Variants in AP3B1 observed in about 807,000 individuals in gnomAD.
AP3B1 encodes the protein adaptor related protein complex 3 subunit beta 1.
A neutral mutation model predicts 132.5 loss-of-function variants in AP3B1; 61 were observed. That is an observed-to-expected ratio of 0.46 (90% CI 0.37 to 0.57). The LOEUF (loss-of-function observed/expected upper bound fraction) is 0.57. AP3B1 is among the 20% of genes least tolerant of loss of function. The pLI, the probability that AP3B1 is intolerant of heterozygous loss-of-function variation, is 0.00. For synonymous variants in AP3B1, 388 were observed against 438.3 expected (o/e 0.89, Z 1.43); for missense variants, 1,120 against 1,289.4 (o/e 0.87, Z 2.01).
chr5:78,198,924 A>T (rs1745179767), intron 7 of AP3B1, among the ~76,000 whole-genome samples: 1 of 152,232 alleles, frequency 6.6e-6, no homozygotes, highest in Non-Finnish European at 1.5e-5. Context: ...TCCTTCCCCA[A>T]AATTTGTGTC....
intron 1 of AP3B1, among the ~76,000 whole-genome samples, chr5:78,278,627 G>A (rs202196757): frequency 0.19 from 5,884 of 30,222 alleles, 670 homozygotes; most frequent in African/African-American, 0.23. Flanking sequence ...AAAAAAAAAG[G>A]GGGGGGGGGA....
chr5:78,097,160 C>T (rs1290924110), intron 21 of AP3B1, among the ~76,000 whole-genome samples: 13 of 117,752 alleles, frequency 1.1e-4, no homozygotes, highest in Middle Eastern at 0.01. Context: ...AGGTGAGGGG[C>T]GCCTCTGCCC....
At chr5:78,083,289 A>C (rs889852556) in intron 22 of AP3B1, among the ~76,000 whole-genome samples, 9 of 152,248 alleles carry the variant, frequency 5.9e-5, no homozygotes, top group African/African-American at 2.2e-4. Context: ...AAAGCAGAAC[A>C]TACACTAAAA....
intron 6 of AP3B1, among the ~76,000 whole-genome samples, chr5:78,224,737 CA>C (rs1280510903): frequency 6.6e-6 from 1 of 151,428 alleles, no homozygotes; most frequent in African/African-American, 2.4e-5. Flanking sequence ...GACATTAAAA[CA>C]AAAAAATGTT....
chr5:78,108,457 A>G (rs183615343), intron 20 of AP3B1, among the ~76,000 whole-genome samples: 1 of 152,330 alleles, frequency 6.6e-6, no homozygotes, highest in East Asian at 1.9e-4. Flanking sequence ...TACTTATTCC[A>G]GTTGCTAAAC....
intron 22 of AP3B1, among the ~76,000 whole-genome samples, chr5:78,050,742 GAC>G (rs1748546351): frequency 6.6e-6 from 1 of 152,062 alleles, no homozygotes; most frequent in African/African-American, 2.4e-5. Flanking sequence ...GAGTATGAAA[GAC>G]AAAGTTTGAA....
chr5:78,029,767 G>A (rs542134582), intron 24 of AP3B1, among the ~76,000 whole-genome samples: 244 of 152,298 alleles, frequency 1.6e-3, no homozygotes, highest in African/African-American at 5.8e-3. Flanking sequence ...CTTCCAAAGA[G>A]CTGGGATAAC....
At chr5:78,097,197 C>G (rs1428575815) in intron 21 of AP3B1, among the ~76,000 whole-genome samples, 6 of 117,940 alleles carry the variant, frequency 5.1e-5, no homozygotes, top group African/African-American at 1.1e-4. Flanking sequence ...AAGTGAGGAG[C>G]CCCTCTGCCC....
At chr5:78,174,984 G>A (rs1434249537) in intron 11 of AP3B1, among the ~76,000 whole-genome samples, 3 of 152,356 alleles carry the variant, frequency 2.0e-5, no homozygotes, top group East Asian at 1.9e-4. Context: ...AGGCTGCTGC[G>A]CTAGCAGTGA....
At chr5:78,106,850 G>A (rs1306715465) in intron 20 of AP3B1, among the ~76,000 whole-genome samples, 1 of 152,166 alleles carries the variant, frequency 6.6e-6, no homozygotes, top group African/African-American at 2.4e-5. Flanking sequence ...AAATGGTAGA[G>A]CATGTCTTTT....
At chr5:78,047,274 C>T (rs1003362148) in intron 22 of AP3B1, among the ~76,000 whole-genome samples, 2 of 152,140 alleles carry the variant, frequency 1.3e-5, no homozygotes, top group African/African-American at 2.4e-5. Context: ...GAGGAATTGC[C>T]GCACTGTCTT....
chr5:78,243,122 CTTTT>C (rs368726723), intron 2 of AP3B1, among the ~76,000 whole-genome samples: 60 of 152,252 alleles, frequency 3.9e-4, no homozygotes, highest in Middle Eastern at 3.4e-3. Context: ...CTGTGACATT[CTTTT>C]GAGTATTTTG....
intron 1 of AP3B1, among the ~76,000 whole-genome samples, chr5:78,285,105 T>C (rs982681111): frequency 1.3e-5 from 2 of 151,324 alleles, no homozygotes; most frequent in African/African-American, 2.4e-5. Context: ...AAAAATTAGC[T>C]GGGCGTGGTG....
At chr5:78,019,963 C>T (rs1305629187) in intron 25 of AP3B1, among the ~76,000 whole-genome samples, 5 of 151,944 alleles carry the variant, frequency 3.3e-5, no homozygotes, top group Non-Finnish European at 7.4e-5. Context: ...TTTAAATATG[C>T]CTTAATTTTA....
chr5:78,174,482 C>T lies in AP3B1; in HGVS notation c.1167+1144G>A, dbSNP rs569188516. On this transcript the variant is annotated intron_variant, in intron 11 of 26. Coordinates refer to ENST00000255194, the MANE Select transcript of AP3B1 (RefSeq NM_003664.5). ...TCTGTTGGAGTTTGCTGGAGGTCCACTCCAGACCCTGTTTGCCTGGTTATC... is the reference window on the plus strand; with the variant it reads ...TCTGTTGGAGTTTGCTGGAGGTCCATTCCAGACCCTGTTTGCCTGGTTATC... Among the ~76,000 whole-genome samples the T allele has an allele frequency of 3.9e-5, 6 of 152,340 alleles. No homozygotes were observed. In the South Asian group the frequency reaches 1.2e-3, roughly 32 times the overall value.
intron 21 of AP3B1, among the ~76,000 whole-genome samples, chr5:78,097,126 A>G (rs1264294490): frequency 0.019 from 763 of 41,174 alleles, no homozygotes; most frequent in Middle Eastern, 0.022. Context: ...TCAGCCCCCC[A>G]CCCGGCCAGC....
At chr5:78,256,731 C>A (rs1356848909) in intron 2 of AP3B1, among the ~76,000 whole-genome samples, 1 of 151,888 alleles carries the variant, frequency 6.6e-6, no homozygotes, top group African/African-American at 2.4e-5. Flanking sequence ...GAAAATGACA[C>A]CCCAATATCT....
At chr5:78,170,867 T>C (rs1743881676) in intron 11 of AP3B1, among the ~76,000 whole-genome samples, 1 of 152,262 alleles carries the variant, frequency 6.6e-6, no homozygotes, top group Admixed American at 6.5e-5. Context: ...TGGTTTTAGC[T>C]CTAACATTTA....
intron 17 of AP3B1, among the ~76,000 whole-genome samples, chr5:78,122,992 A>G (rs1210437556): frequency 6.6e-6 from 1 of 152,254 alleles, no homozygotes; most frequent in Non-Finnish European, 1.5e-5. Flanking sequence ...CTGGTACCAA[A>G]ACAGAGATAT....
Sources: gnomAD v4.1 joint callset for allele counts (sites outside exome capture counted in the v4.1 genomes callset) on GRCh38, gnomAD v4.1.1 for gene constraint, MANE v1.5 for transcripts, NCBI Gene and HGNC (gene_info 2026-07-23, HGNC 2026-07-21) for gene names.